RAPGEF2: variants seen among roughly 807,000 people sequenced by gnomAD.
RAPGEF2 encodes the protein Rap guanine nucleotide exchange factor 2, also known as PDZ domain containing guanine nucleotide exchange factor (GEF) 1.
A neutral mutation model predicts 186.7 loss-of-function variants in RAPGEF2; 54 were observed. The ratio of observed to expected loss-of-function variants is 0.29; its 90% CI spans 0.23 to 0.36. The LOEUF (loss-of-function observed/expected upper bound fraction) is 0.36. Among genes scored for constraint, RAPGEF2 ranks in the 10% least tolerant of loss-of-function variants. The pLI is 1.00. For missense variants in RAPGEF2, 1,532 were observed against 2,045.0 expected, an observed-to-expected ratio of 0.75 and a Z score of 4.84; for synonymous variants, 712 against 705.9, an observed-to-expected ratio of 1.01 and a Z score of -0.14.
intron 7 of RAPGEF2, among the ~76,000 whole-genome samples, chr4:159,265,132 T>A (rs10428456): frequency 6.6e-6 from 1 of 152,030 alleles, no homozygotes; most frequent in African/African-American, 2.4e-5. Context: ...GTCTTTCTAG[T>A]GCCCTTTCCC....
At chr4:159,284,637 T>A (rs1011149669) in intron 7 of RAPGEF2, among the ~76,000 whole-genome samples, 67 of 152,176 alleles carry the variant, frequency 4.4e-4, no homozygotes, top group African/African-American at 1.5e-3. Context: ...TGAATTAAGG[T>A]GATAAATCTT....
chr4:159,316,927 G>A (rs917069691), intron 9 of RAPGEF2, among the ~76,000 whole-genome samples: 1 of 152,166 alleles, frequency 6.6e-6, no homozygotes, highest in Non-Finnish European at 1.5e-5. Flanking sequence ...AGCAACTTCC[G>A]TTGAGAGTCA....
At chr4:159,169,485 A>G (rs1021477336) in intron 1 of RAPGEF2, among the ~76,000 whole-genome samples, 1 of 152,154 alleles carries the variant, frequency 6.6e-6, no homozygotes, top group African/African-American at 2.4e-5. Context: ...AGAATACAAT[A>G]TATTGTTGTT....
intron 4 of RAPGEF2, among the ~76,000 whole-genome samples, chr4:159,237,452 C>G (rs1248509269): frequency 2.0e-5 from 3 of 152,184 alleles, no homozygotes; most frequent in East Asian, 3.9e-4. Flanking sequence ...ATGATGTGGT[C>G]AAGATAGTTT....
chr4:159,345,408 A>C (rs1458871536), intron 24 of RAPGEF2, 79 bp downstream of exon 24: 2 of 1,326,218 alleles, frequency 1.5e-6, no homozygotes, highest in Non-Finnish European at 2.1e-6. Context: ...GGGCAGTGAC[A>C]AAATAAGGCT....
chr4:159,240,331 C>CTTTTTTTTTTTTTT lies in RAPGEF2; in HGVS notation c.358-864_358-851dup, dbSNP rs370477370. Among the ~76,000 whole-genome samples the CTTTTTTTTTTTTTT allele has an allele frequency of 1.2e-3, 96 of 77,604 alleles. 12 individuals are homozygous for CTTTTTTTTTTTTTT. The highest frequency in any genetic ancestry group is 4.5e-3 in the African/African-American group (83 of 18,622). The allele number at this position is 77,604 out of a possible 152,430, so 50.9% of individuals were successfully genotyped here. ...CCCTGTTCATTCATCAGCATTTCTA[C>CTTTTTTTTTTTTTT]TTTTTTTTTTTTTTTTTTTGGAGAC... On this transcript the variant is annotated intron_variant, in intron 5 of 29. Coordinates refer to ENST00000691494, the MANE Select transcript of RAPGEF2 (RefSeq NM_001394067.2).
At chr4:159,141,827 A>ATT (rs1294267124) in intron 1 of RAPGEF2, among the ~76,000 whole-genome samples, 2 of 152,180 alleles carry the variant, frequency 1.3e-5, no homozygotes, top group Non-Finnish European at 2.9e-5. Flanking sequence ...AGTGGCCATT[A>ATT]TTAAAGATAA....
chr4:159,139,680 C>G (rs1027197993), intron 1 of RAPGEF2, among the ~76,000 whole-genome samples: 1 of 151,934 alleles, frequency 6.6e-6, no homozygotes, highest in Admixed American at 6.6e-5. Flanking sequence ...CAAAATTATT[C>G]TAAAGTTATC....
At chr4:159,311,674 C>T (rs1763967190) in intron 8 of RAPGEF2, among the ~76,000 whole-genome samples, 1 of 152,134 alleles carries the variant, frequency 6.6e-6, no homozygotes, top group African/African-American at 2.4e-5. Flanking sequence ...TGAGTTTGTT[C>T]ACACAGTAAA....
chr4:159,165,465 A>G (rs756970333), intron 1 of RAPGEF2, among the ~76,000 whole-genome samples: 6 of 152,202 alleles, frequency 3.9e-5, no homozygotes, highest in Admixed American at 6.5e-5. Flanking sequence ...CTCTATCTGT[A>G]TACATAAATA....
intron 7 of RAPGEF2, among the ~76,000 whole-genome samples, chr4:159,284,608 C>CA (rs1351341488): frequency 1.3e-5 from 2 of 152,056 alleles, no homozygotes; most frequent in Non-Finnish European, 2.9e-5. Context: ...TTCCAATAGA[C>CA]ACTTTATCCC....
chr4:159,343,443 G>A, intron 22 of RAPGEF2, 39 bp downstream of exon 22: 4 of 1,599,612 alleles, frequency 2.5e-6, no homozygotes, highest in South Asian at 1.1e-5. Flanking sequence ...TGAGAGTAGA[G>A]AAGGTTAAAT....
intron 28 of RAPGEF2, among the ~76,000 whole-genome samples, chr4:159,354,608 T>TTC (rs1737952835): frequency 6.6e-6 from 1 of 151,886 alleles, no homozygotes; most frequent in African/African-American, 2.4e-5. Flanking sequence ...GGACTGGGGA[T>TTC]TGAATCCCTG....
chr4:159,345,006 C>T (rs1730083384), intron 23 of RAPGEF2, 100 bp from the exon 24 acceptor site: 2 of 945,236 alleles, frequency 2.1e-6, no homozygotes, highest in South Asian at 3.1e-5. Context: ...GGCATGTGAC[C>T]TTTTGAACAT....
At chr4:159,263,075 CTTTAT>C (rs776425419) in intron 7 of RAPGEF2, among the ~76,000 whole-genome samples, 2 of 152,082 alleles carry the variant, frequency 1.3e-5, no homozygotes, top group Non-Finnish European at 2.9e-5. Context: ...TGCCATTTCA[CTTTAT>C]GAAAGTAGAA....
At chr4:159,351,925 TGG>T (rs1445544645) in intron 26 of RAPGEF2, among the ~76,000 whole-genome samples, 1 of 152,210 alleles carries the variant, frequency 6.6e-6, no homozygotes, top group East Asian at 1.9e-4. Flanking sequence ...CACTCCAGCT[TGG>T]GTGACAGAGG....
intron 4 of RAPGEF2, among the ~76,000 whole-genome samples, chr4:159,212,953 G>T (rs931558057): frequency 6.6e-6 from 1 of 152,202 alleles, no homozygotes; most frequent in Non-Finnish European, 1.5e-5. Context: ...AGTTCTTGCA[G>T]TTCAGACTTA....
chr4:159,312,757 T>C (rs1764099391), intron 8 of RAPGEF2, among the ~76,000 whole-genome samples: 1 of 152,224 alleles, frequency 6.6e-6, no homozygotes, highest in Non-Finnish European at 1.5e-5. Flanking sequence ...ATAAAACTCA[T>C]TGTTAACACA....
chr4:159,258,660 A>G (rs1008704457), intron 7 of RAPGEF2, among the ~76,000 whole-genome samples: 1 of 152,180 alleles, frequency 6.6e-6, no homozygotes. Context: ...TAAATATTAA[A>G]TTTCTGAAGA....
Sources: gnomAD v4.1 joint callset for allele counts (sites outside exome capture counted in the v4.1 genomes callset) on GRCh38, gnomAD v4.1.1 for gene constraint, MANE v1.5 for transcripts, NCBI Gene and HGNC (gene_info 2026-07-23, HGNC 2026-07-21) for gene names.